PCSK5: variants seen among roughly 807,000 people sequenced by gnomAD.
PCSK5 encodes the protein prohormone convertase 5.
PCSK5 carries 129 observed loss-of-function variants against 233.2 expected under a neutral mutation model. The observed-to-expected ratio is 0.55, with a 90% CI of 0.48 to 0.64. The LOEUF is 0.64. Ranked by LOEUF, PCSK5 falls within the 30% of genes least tolerant of loss-of-function variation. The probability of loss-of-function intolerance (pLI) is 0.00; values close to 1 mark genes in which losing one functional copy is unlikely to be tolerated. For missense variants in PCSK5, 2,076 were observed against 2,430.1 expected, an observed-to-expected ratio of 0.85 and a Z score of 3.06; for synonymous variants, 825 against 879.2, an observed-to-expected ratio of 0.94 and a Z score of 1.09.
intron 21 of PCSK5, among the ~76,000 whole-genome samples, chr9:76,231,593 A>G (rs1481939745): frequency 6.6e-6 from 1 of 152,178 alleles, no homozygotes; most frequent in Non-Finnish European, 1.5e-5. Flanking sequence ...AGTTTTTCTT[A>G]TAGAAAGATT....
At chr9:76,273,679 C>T (rs1210438364) in intron 24 of PCSK5, among the ~76,000 whole-genome samples, 1 of 150,526 alleles carries the variant, frequency 6.6e-6, no homozygotes, top group East Asian at 1.9e-4. Context: ...GTCACCCAGG[C>T]TGGAGTGCAG....
At chr9:76,323,601 A>T (rs1280373682) in intron 32 of PCSK5, among the ~76,000 whole-genome samples, 1 of 152,092 alleles carries the variant, frequency 6.6e-6, no homozygotes, top group Non-Finnish European at 1.5e-5. Flanking sequence ...TTGGGCTCCC[A>T]AAGTGCTGGG....
Position 76,328,214 on chromosome 9 carries a change from A to C in PCSK5, c.4545A>C (p.Thr1515=). 6.2e-7 allele frequency: 1 copy of C among 1,612,510 alleles called. No individual in the cohort carries two copies. Among genetic ancestry groups the C allele is most frequent in the Non-Finnish European group, 8.5e-7 (1 of 1,179,582 alleles). Residue 1515 remains threonine, a synonymous_variant, in exon 33 of 38, where the codon ACA becomes ACC. Transcript: ENST00000674117. ...CMGPAEDQCQ[T]CPMNSLLLNT... ...GGCCGGCGGAGGACCAGTGTCAAAC[A>C]TGCCCCATGAACAGCCTTCTTCTCA...
chr9:76,127,069 A>T (rs1275878981), intron 9 of PCSK5, among the ~76,000 whole-genome samples: 1 of 152,012 alleles, frequency 6.6e-6, no homozygotes, highest in Non-Finnish European at 1.5e-5. Flanking sequence ...TTCAATAAAC[A>T]TCTAGAGAAG....
intron 24 of PCSK5, among the ~76,000 whole-genome samples, chr9:76,260,827 A>T (rs1827149243): frequency 6.6e-6 from 1 of 152,210 alleles, no homozygotes; most frequent in Non-Finnish European, 1.5e-5. Flanking sequence ...AGCAATAGAA[A>T]ACTATTTAAC....
intron 2 of PCSK5, among the ~76,000 whole-genome samples, chr9:75,979,895 G>A (rs1398886385): frequency 3.9e-5 from 6 of 152,162 alleles, no homozygotes; most frequent in African/African-American, 1.4e-4. Flanking sequence ...TCAGTTGGCT[G>A]TTTTGTTCAC....
At chr9:76,027,476 GTAGTTATTGTGTT>G (rs1206475918) in intron 5 of PCSK5, among the ~76,000 whole-genome samples, 1 of 152,136 alleles carries the variant, frequency 6.6e-6, no homozygotes, top group Non-Finnish European at 1.5e-5. Context: ...TCTCTCCTCT[GTAGTTATTGTGTT>G]TTTCACTAAT....
At chr9:76,255,090 C>T (rs556036230) in intron 24 of PCSK5, among the ~76,000 whole-genome samples, 1 of 152,160 alleles carries the variant, frequency 6.6e-6, no homozygotes, top group East Asian at 1.9e-4. Context: ...AGTTTGAGAT[C>T]AGCCTGGGCA....
chr9:75,958,140 T>A (rs1825176348), intron 2 of PCSK5, among the ~76,000 whole-genome samples: 1 of 152,170 alleles, frequency 6.6e-6, no homozygotes, highest in African/African-American at 2.4e-5. Context: ...TTTGTAAACA[T>A]GAAAAGATTA....
intron 5 of PCSK5, among the ~76,000 whole-genome samples, chr9:76,043,405 ACT>A (rs1267522847): frequency 6.6e-6 from 1 of 151,560 alleles, no homozygotes; most frequent in Non-Finnish European, 1.5e-5. Context: ...TTCCATTTAG[ACT>A]CTGAAAAAAA....
intron 36 of PCSK5, among the ~76,000 whole-genome samples, chr9:76,352,886 T>C (rs529216612): frequency 0.028 from 2,740 of 97,294 alleles, 39 homozygotes; most frequent in Middle Eastern, 0.058. Flanking sequence ...CTACAAAAAA[T>C]ACAAAAAAAA....
chr9:76,182,899 C>T (rs1483160440), intron 16 of PCSK5, among the ~76,000 whole-genome samples: 2 of 152,152 alleles, frequency 1.3e-5, no homozygotes, highest in Admixed American at 1.3e-4. Context: ...GAAGTGAATA[C>T]TCTTGCTTCT....
At chr9:76,288,219 G>C (rs1434787226) in intron 24 of PCSK5, 1 of 152,148 alleles carries the variant, frequency 6.6e-6, no homozygotes, top group Non-Finnish European at 1.5e-5. Flanking sequence ...CTCCTTTCTT[G>C]ATTCAAGGTG....
chr9:76,303,365 T>C (rs1008494677), intron 28 of PCSK5, among the ~76,000 whole-genome samples: 11 of 151,952 alleles, frequency 7.2e-5, no homozygotes, highest in Admixed American at 3.9e-4. Context: ...ATACCAGGAG[T>C]ATGCAGTAAA....
At chr9:76,356,431 T>C (rs1830305683) in intron 37 of PCSK5, among the ~76,000 whole-genome samples, 2 of 152,210 alleles carry the variant, frequency 1.3e-5, no homozygotes, top group Non-Finnish European at 2.9e-5. Flanking sequence ...TGGAGAATAG[T>C]AAGCAAGGCA....
chr9:75,897,944 A>G (rs1825879539), intron 1 of PCSK5, among the ~76,000 whole-genome samples: 1 of 152,192 alleles, frequency 6.6e-6, no homozygotes, highest in South Asian at 2.1e-4. Flanking sequence ...AATCAACCCC[A>G]AACTGCTTAA....
At chr9:76,049,478 C>T (rs536423649) in intron 5 of PCSK5, among the ~76,000 whole-genome samples, 2 of 152,264 alleles carry the variant, frequency 1.3e-5, no homozygotes, top group African/African-American at 4.8e-5. Flanking sequence ...CCCGCAGTTG[C>T]GTGGTGTAGC....
At chr9:75,974,537 G>T (rs532030274) in intron 2 of PCSK5, among the ~76,000 whole-genome samples, 2 of 152,166 alleles carry the variant, frequency 1.3e-5, no homozygotes, top group Non-Finnish European at 2.9e-5. Context: ...GACCAAAGTA[G>T]CTGTTTGCTA....
At chr9:75,969,447 C>T (rs1055904453) in intron 2 of PCSK5, among the ~76,000 whole-genome samples, 2 of 152,266 alleles carry the variant, frequency 1.3e-5, no homozygotes, top group Admixed American at 6.5e-5. Context: ...CTTCCCTGGA[C>T]CCCTGGAGTC....
Sources: gnomAD v4.1 joint callset for allele counts (sites outside exome capture counted in the v4.1 genomes callset) on GRCh38, gnomAD v4.1.1 for gene constraint, MANE v1.5 for transcripts, NCBI Gene and HGNC (gene_info 2026-07-23, HGNC 2026-07-21) for gene names.